GALNT13: variants seen among roughly 807,000 people sequenced by gnomAD.
GALNT13 encodes the protein UDP-GalNAc:polypeptide N-acetylgalactosaminyltransferase 13.
In GALNT13, 28 loss-of-function variants were observed where a neutral mutation model predicts 64.2. The ratio of observed to expected loss-of-function variants is 0.44; its 90% confidence interval spans 0.32 to 0.60. GALNT13 has a LOEUF of 0.60. GALNT13 is among the 20% of genes least tolerant of loss of function. The pLI is 0.05. For missense variants in GALNT13, 577 were observed against 669.8 expected (o/e 0.86, Z 1.53); for synonymous variants, 214 against 224.6 (o/e 0.95, Z 0.42).
At chr2:154,149,951 C>T (rs565509779) in intron 4 of GALNT13, among the ~76,000 whole-genome samples, 4 of 152,272 alleles carry the variant, frequency 2.6e-5, no homozygotes, top group South Asian at 4.1e-4. Context: ...CTGGCCAGAA[C>T]GTCCAACACT....
chr2:154,073,239 G>A (rs1481675833), intron 3 of GALNT13, among the ~76,000 whole-genome samples: 1 of 151,906 alleles, frequency 6.6e-6, no homozygotes, highest in Non-Finnish European at 1.5e-5. Flanking sequence ...TGTTTGAGTT[G>A]CAAAATAAAG....
At chr2:153,531,581 A>T in the GALNT13 span, among the ~76,000 whole-genome samples, 1 of 152,112 alleles carries the variant, frequency 6.6e-6, no homozygotes, top group Non-Finnish European at 1.5e-5. Flanking sequence ...TAAAAATACA[A>T]TCTTGCCTTC....
the GALNT13 span, among the ~76,000 whole-genome samples, chr2:153,301,440 A>T: frequency 6.6e-6 from 1 of 152,008 alleles, no homozygotes; most frequent in African/African-American, 2.4e-5. Flanking sequence ...AAAGGTGTAT[A>T]TATGTATTGT....
rs1047027847 is a variant in GALNT13 at position 154,368,103 on chromosome 2, C to A, written c.1157-27888C>A. 2.0e-5 allele frequency among the ~76,000 whole-genome samples: 3 copies of A among 152,194 alleles called. No individual in the cohort carries two copies. In the South Asian group the frequency reaches 6.2e-4, roughly 32 times the overall value. ...TTTTAGAATAAACATCTATATATAG[C>A]TCCAGTGAATTCACTTTGATTAAAA... On this transcript the variant is annotated intron_variant, in intron 9 of 12. Transcript: ENST00000392825.
the GALNT13 span, among the ~76,000 whole-genome samples, chr2:153,203,878 C>G: frequency 1.3e-5 from 2 of 151,384 alleles, no homozygotes; most frequent in East Asian, 3.9e-4. Context: ...CGTGTCTACA[C>G]ACACACACAC....
At chr2:154,232,591 A>G (rs1418742529) in intron 4 of GALNT13, among the ~76,000 whole-genome samples, 1 of 152,188 alleles carries the variant, frequency 6.6e-6, no homozygotes, top group Non-Finnish European at 1.5e-5. Flanking sequence ...GTTATCAGAA[A>G]CACTATCTGA....
the GALNT13 span, among the ~76,000 whole-genome samples, chr2:153,137,774 A>G: frequency 1.3e-5 from 2 of 151,130 alleles, no homozygotes; most frequent in Non-Finnish European, 2.9e-5. Flanking sequence ...GTCTTTTTCT[A>G]GGGTAACCAA....
At chr2:154,188,591 T>G (rs1384814394) in intron 4 of GALNT13, among the ~76,000 whole-genome samples, 1 of 152,122 alleles carries the variant, frequency 6.6e-6, no homozygotes, top group Admixed American at 6.5e-5. Context: ...GCAAAAAAGA[T>G]AAGAATATTA....
the GALNT13 span, among the ~76,000 whole-genome samples, chr2:153,132,244 G>T: frequency 6.6e-6 from 1 of 152,076 alleles, no homozygotes; most frequent in Non-Finnish European, 1.5e-5. Flanking sequence ...TTAAGCTGGT[G>T]GGGGAGAAAT....
the GALNT13 span, among the ~76,000 whole-genome samples, chr2:153,226,874 G>T: frequency 6.6e-6 from 1 of 152,212 alleles, no homozygotes; most frequent in Non-Finnish European, 1.5e-5. Context: ...TGAAAGATGT[G>T]AATAATAGGG....
chr2:153,318,963 T>A, the GALNT13 span, among the ~76,000 whole-genome samples: 1 of 152,308 alleles, frequency 6.6e-6, no homozygotes, highest in East Asian at 1.9e-4. Flanking sequence ...AATTTCTTCC[T>A]TCCAACAATC....
chr2:153,163,785 C>A, the GALNT13 span, among the ~76,000 whole-genome samples: 1 of 152,098 alleles, frequency 6.6e-6, no homozygotes, highest in Non-Finnish European at 1.5e-5. Context: ...TTTGGGAGGC[C>A]AAGGCGGGCG....
intron 4 of GALNT13, among the ~76,000 whole-genome samples, chr2:154,209,831 C>T (rs12474535): frequency 0.19 from 28,804 of 152,046 alleles, 3,564 homozygotes; most frequent in Admixed American, 0.31. Context: ...AACATATAAA[C>T]CACCTAAATT....
At chr2:153,335,938 G>C in the GALNT13 span, among the ~76,000 whole-genome samples, 1 of 152,202 alleles carries the variant, frequency 6.6e-6, no homozygotes, top group Non-Finnish European at 1.5e-5. Flanking sequence ...TGTCCCAGCT[G>C]TGCCAGCTGT....
chr2:153,299,964 C>G, the GALNT13 span, among the ~76,000 whole-genome samples: 1 of 152,124 alleles, frequency 6.6e-6, no homozygotes, highest in Non-Finnish European at 1.5e-5. Context: ...CCGAGTACAG[C>G]CACAGTTGCC....
At chr2:154,020,561 T>G (rs1697380783) in intron 3 of GALNT13, among the ~76,000 whole-genome samples, 1 of 152,150 alleles carries the variant, frequency 6.6e-6, no homozygotes, top group African/African-American at 2.4e-5. Context: ...GTTTTTTTCT[T>G]GTAAATTTGT....
chr2:154,329,467 G>T (rs546360949), intron 9 of GALNT13, among the ~76,000 whole-genome samples: 1 of 152,244 alleles, frequency 6.6e-6, no homozygotes, highest in Non-Finnish European at 1.5e-5. Flanking sequence ...AAATTTATCA[G>T]TTTTTTACGT....
chr2:153,422,949 TAG>T, the GALNT13 span, among the ~76,000 whole-genome samples: 1 of 151,968 alleles, frequency 6.6e-6, no homozygotes. Flanking sequence ...AAGGGTTTGA[TAG>T]TATCTATTTT....
the GALNT13 span, among the ~76,000 whole-genome samples, chr2:153,227,057 C>T: frequency 3.3e-5 from 5 of 152,218 alleles, no homozygotes; most frequent in South Asian, 2.1e-4. Context: ...ATTCATTTCT[C>T]TTTGTGAAGT....
Sources: gnomAD v4.1 joint callset for allele counts (sites outside exome capture counted in the v4.1 genomes callset) on GRCh38, gnomAD v4.1.1 for gene constraint, MANE v1.5 for transcripts, NCBI Gene and HGNC (gene_info 2026-07-23, HGNC 2026-07-21) for gene names.